Variants in ZRANB3 observed in about 807,000 individuals in gnomAD.
ZRANB3 encodes zinc finger RANBP2-type containing 3.
A neutral mutation model predicts 133.8 loss-of-function variants in ZRANB3; 125 were observed. The observed-to-expected ratio is 0.93, with a 90% CI of 0.81 to 1.08. The LOEUF (loss-of-function observed/expected upper bound fraction) is 1.08. Among genes scored for constraint, ZRANB3 ranks in the 50% least tolerant of loss-of-function variants. The probability of loss-of-function intolerance (pLI) is 0.00; values close to 1 mark genes in which losing one functional copy is unlikely to be tolerated. For missense variants in ZRANB3, 1,229 were observed against 1,275.5 expected, an observed-to-expected ratio of 0.96 and a Z score of 0.56; for synonymous variants, 387 against 432.7, an observed-to-expected ratio of 0.89 and a Z score of 1.31.
rs865953269 is a variant in ZRANB3 at position 135,265,696 on chromosome 2, G to A, written c.1387-10C>T. 5.0e-6 allele frequency: 8 copies of A among 1,604,222 alleles called. No individual in the cohort carries two copies. Among genetic ancestry groups the A allele is most frequent in the Non-Finnish European group, 6.8e-6 (8 of 1,176,000 alleles). On this transcript the variant is annotated splice_polypyrimidine_tract_variant and intron_variant, in intron 11 of 20. Coordinates refer to ENST00000264159, the MANE Select transcript of ZRANB3 (RefSeq NM_032143.4). ...TCCCTGTAACTTGAGCCTACAAGAG[G>A]AAAAAGTAAATGAATTTTTGAGCAG...
At chr2:135,222,977 AGGTGG>A (rs1694614859) in intron 15 of ZRANB3, among the ~76,000 whole-genome samples, 1 of 151,898 alleles carries the variant, frequency 6.6e-6, no homozygotes, top group African/African-American at 2.4e-5. Context: ...AAAAACGGCC[AGGTGG>A]GTGGCTCACA....
At chr2:135,326,477 A>G (rs866269564) in intron 6 of ZRANB3, among the ~76,000 whole-genome samples, 1 of 152,186 alleles carries the variant, frequency 6.6e-6, no homozygotes, top group Admixed American at 6.5e-5. Flanking sequence ...AGTTTTTTTT[A>G]AATTTTACTT....
chr2:135,344,919 T>G (rs1684848423), intron 6 of ZRANB3, among the ~76,000 whole-genome samples: 1 of 152,190 alleles, frequency 6.6e-6, no homozygotes, highest in South Asian at 2.1e-4. Flanking sequence ...ACATGCTTGT[T>G]CACCCAAAGG....
intron 11 of ZRANB3, among the ~76,000 whole-genome samples, chr2:135,266,633 C>T (rs1160608803): frequency 1.3e-5 from 2 of 151,912 alleles, no homozygotes; most frequent in Admixed American, 1.3e-4. Context: ...GGCGTGGTGG[C>T]GGGCGCCTGT....
At chr2:135,424,149 C>T (rs1300755321) in intron 2 of ZRANB3, among the ~76,000 whole-genome samples, 1 of 152,154 alleles carries the variant, frequency 6.6e-6, no homozygotes, top group Non-Finnish European at 1.5e-5. Flanking sequence ...AGAAGTCTCA[C>T]TCATGAGGCA....
At chr2:135,297,680 C>A (rs1196820435) in intron 8 of ZRANB3, among the ~76,000 whole-genome samples, 2 of 152,246 alleles carry the variant, frequency 1.3e-5, no homozygotes, top group East Asian at 3.9e-4. Flanking sequence ...ACGCTGGGAG[C>A]TGTAGACTGG....
intron 2 of ZRANB3, among the ~76,000 whole-genome samples, chr2:135,403,342 A>G (rs1049817320): frequency 2.0e-5 from 3 of 152,196 alleles, no homozygotes; most frequent in African/African-American, 7.2e-5. Flanking sequence ...CCGCCCACAG[A>G]GCCTCGCTCA....
intron 6 of ZRANB3, among the ~76,000 whole-genome samples, chr2:135,330,589 C>T (rs2104846454): frequency 6.6e-6 from 1 of 152,190 alleles, no homozygotes; most frequent in Non-Finnish European, 1.5e-5. Flanking sequence ...GGGAGGATTC[C>T]CTCTTTTTCT....
At chr2:135,238,870 C>T (rs1239280395) in intron 12 of ZRANB3, 2 of 152,188 alleles carry the variant, frequency 1.3e-5, no homozygotes, top group African/African-American at 4.8e-5. Flanking sequence ...ACAGACAGCA[C>T]CAATTGCCAG....
chr2:135,213,274 T>A (rs1694177134), intron 17 of ZRANB3, among the ~76,000 whole-genome samples: 1 of 152,194 alleles, frequency 6.6e-6, no homozygotes, highest in Admixed American at 6.5e-5. Flanking sequence ...TTATCTCTAC[T>A]GAGCCTGATG....
At chr2:135,439,287 A>G (rs1689679097) in intron 2 of ZRANB3, among the ~76,000 whole-genome samples, 1 of 152,216 alleles carries the variant, frequency 6.6e-6, no homozygotes, top group African/African-American at 2.4e-5. Context: ...TAACATCCAG[A>G]TAATAATTTA....
chr2:135,436,579 G>A (rs1158545194), intron 2 of ZRANB3, among the ~76,000 whole-genome samples: 2 of 152,036 alleles, frequency 1.3e-5, no homozygotes, highest in African/African-American at 2.4e-5. Flanking sequence ...TCTCTACAAT[G>A]AGAATTACAA....
chr2:135,461,762 A>G (rs1368538149), intron 2 of ZRANB3, among the ~76,000 whole-genome samples: 1 of 152,222 alleles, frequency 6.6e-6, no homozygotes, highest in African/African-American at 2.4e-5. Context: ...AGTCAAAAAA[A>G]TGATTCAAAT....
At chr2:135,381,660 G>T (rs760196494) in intron 3 of ZRANB3, among the ~76,000 whole-genome samples, 1 of 152,116 alleles carries the variant, frequency 6.6e-6, no homozygotes, top group African/African-American at 2.4e-5. Context: ...CCAGAGGAAC[G>T]ATCAGGCAGC....
intron 14 of ZRANB3, among the ~76,000 whole-genome samples, chr2:135,226,070 T>C (rs1192834254): frequency 6.6e-6 from 1 of 152,240 alleles, no homozygotes; most frequent in African/African-American, 2.4e-5. Context: ...CATAGCTTAA[T>C]TGGCAGTTTT....
At chr2:135,333,700 G>C (rs565121004) in intron 6 of ZRANB3, among the ~76,000 whole-genome samples, 1 of 152,266 alleles carries the variant, frequency 6.6e-6, no homozygotes, top group Non-Finnish European at 1.5e-5. Context: ...AAAAAGTTCT[G>C]ATGATGAAAA....
intron 2 of ZRANB3, among the ~76,000 whole-genome samples, chr2:135,416,305 A>C (rs1342675367): frequency 1.3e-5 from 2 of 152,188 alleles, no homozygotes; most frequent in Non-Finnish European, 2.9e-5. Context: ...GCATTCTTAT[A>C]CACCATCAAC....
chr2:135,232,314 C>T lies in ZRANB3; in HGVS notation c.1540-1387G>A, dbSNP rs530710074. On this transcript the variant is annotated intron_variant, in intron 12 of 20. Coordinates refer to ENST00000264159, the MANE Select transcript of ZRANB3 (RefSeq NM_032143.4). ...CTGGAAGCTCGAACTGGGTGGAGCC[C>T]ACCACAGCTCAAGGAGGCCTGCCTG... 2.2e-4 allele frequency among the ~76,000 whole-genome samples: 34 copies of T among 152,324 alleles called. No homozygotes were observed. In the East Asian group the frequency reaches 6.4e-3, roughly 29 times the overall value.
intron 2 of ZRANB3, among the ~76,000 whole-genome samples, chr2:135,419,550 C>A: frequency 6.6e-6 from 1 of 151,986 alleles, no homozygotes; most frequent in African/African-American, 2.4e-5. Context: ...TAACAGAAAA[C>A]AAGGGTTTTT....
Sources: gnomAD v4.1 joint callset for allele counts (sites outside exome capture counted in the v4.1 genomes callset) on GRCh38, gnomAD v4.1.1 for gene constraint, MANE v1.5 for transcripts, NCBI Gene and HGNC (gene_info 2026-07-23, HGNC 2026-07-21) for gene names.